CCDC73: variants seen among roughly 807,000 people sequenced by gnomAD.
CCDC73 encodes the protein coiled-coil domain-containing protein 73.
In CCDC73, 95 loss-of-function variants were observed where a neutral mutation model predicts 116.5. That is an observed-to-expected ratio of 0.82 (90% CI 0.69 to 0.97). The LOEUF (loss-of-function observed/expected upper bound fraction) is 0.97. Among genes scored for constraint, CCDC73 ranks in the 50% least tolerant of loss-of-function variants. The pLI is 0.00. For synonymous variants in CCDC73, 398 were observed against 401.3 expected, an observed-to-expected ratio of 0.99 and a Z score of 0.10; for missense variants, 1,066 against 1,206.8, an observed-to-expected ratio of 0.88 and a Z score of 1.73.
At chr11:32,604,197 A>G (rs1286751980) in intron 17 of CCDC73, 1 of 152,318 alleles carries the variant, frequency 6.6e-6, no homozygotes, top group African/African-American at 2.4e-5. Flanking sequence ...ATCACAGCTC[A>G]TTGCAGCCTT....
chr11:32,637,634 C>A (rs1289256149), intron 13 of CCDC73, among the ~76,000 whole-genome samples: 2 of 150,454 alleles, frequency 1.3e-5, no homozygotes, highest in Admixed American at 1.3e-4. Flanking sequence ...ACACACCCCT[C>A]TCCTCTCTCT....
chr11:32,655,442 G>A (rs1178938093), intron 9 of CCDC73, among the ~76,000 whole-genome samples: 7 of 152,186 alleles, frequency 4.6e-5, no homozygotes, highest in Admixed American at 3.3e-4. Context: ...GGTGCTATTT[G>A]AACTGAATCT....
At chr11:32,716,368 T>C (rs1220146506) in intron 3 of CCDC73, among the ~76,000 whole-genome samples, 1 of 152,226 alleles carries the variant, frequency 6.6e-6, no homozygotes, top group Non-Finnish European at 1.5e-5. Flanking sequence ...GATTCTGTTG[T>C]GTTCTACTAA....
chr11:32,698,853 T>G (rs920674507), intron 6 of CCDC73, among the ~76,000 whole-genome samples: 2 of 152,132 alleles, frequency 1.3e-5, no homozygotes, highest in African/African-American at 4.8e-5. Flanking sequence ...AGGGCAAAGG[T>G]AATGTTTTCT....
At chr11:32,692,214 A>G (rs1480589542) in intron 6 of CCDC73, among the ~76,000 whole-genome samples, 1 of 151,924 alleles carries the variant, frequency 6.6e-6, no homozygotes, top group East Asian at 1.9e-4. Flanking sequence ...TTTTTTTCAT[A>G]TGGATATCTA....
chr11:32,620,047 G>A (rs1855509912), intron 14 of CCDC73, among the ~76,000 whole-genome samples: 1 of 152,216 alleles, frequency 6.6e-6, no homozygotes, highest in Non-Finnish European at 1.5e-5. Flanking sequence ...GTAAAAGTCA[G>A]TGATTTACAA....
intron 2 of CCDC73, among the ~76,000 whole-genome samples, chr11:32,749,745 C>A (rs1388143864): frequency 1.3e-5 from 2 of 152,106 alleles, no homozygotes; most frequent in Non-Finnish European, 2.9e-5. Flanking sequence ...CACTAGGGGG[C>A]ACCACAAGCC....
intron 9 of CCDC73, among the ~76,000 whole-genome samples, chr11:32,663,544 T>C (rs1855950680): frequency 6.6e-6 from 1 of 152,250 alleles, no homozygotes; most frequent in Non-Finnish European, 1.5e-5. Flanking sequence ...CCTGAGACTT[T>C]GCTGAAGTTG....
At chr11:32,639,602 C>T (rs11604323) in intron 13 of CCDC73, among the ~76,000 whole-genome samples, 37,334 of 151,868 alleles carry the variant, frequency 0.25, 4,720 homozygotes, top group Middle Eastern at 0.28. Flanking sequence ...GTGCCCACCA[C>T]CACGCCCGGC....
At chr11:32,656,223 G>A (rs1312347482) in intron 9 of CCDC73, among the ~76,000 whole-genome samples, 4 of 151,904 alleles carry the variant, frequency 2.6e-5, no homozygotes, top group South Asian at 2.1e-4. Flanking sequence ...GACTACAGGC[G>A]CCCACCACCA....
rs1318325053 is a variant in CCDC73, at chr11:32,794,651, G to A, written c.-54C>T. 3 of 152,382 alleles carry A rather than the reference G, an allele frequency of 2.0e-5. No homozygotes were observed. The highest frequency in any genetic ancestry group is 2.9e-5 in the Non-Finnish European group (2 of 68,078). 9.4% of individuals were successfully genotyped at this position (152,382 alleles called of 1,614,324 possible). A position where few individuals can be genotyped will look rare whatever the true frequency, so the allele number is the denominator to read the frequency against. ...GCCTCTAGCTCCTGTTGGCCCTTCC[G>A]GTTCACCTTTTCCCGCCCTAGGGCA... On this transcript the variant is annotated 5_prime_UTR_variant, in exon 1 of 18. Coordinates refer to ENST00000335185, the MANE Select transcript of CCDC73 (RefSeq NM_001008391.4).
the CCDC73 span, among the ~76,000 whole-genome samples, chr11:32,822,109 AT>A: frequency 1.3e-5 from 2 of 152,292 alleles, no homozygotes; most frequent in Admixed American, 6.5e-5. Context: ...CACATACGTC[AT>A]TTTACTGCTA....
intron 2 of CCDC73, among the ~76,000 whole-genome samples, chr11:32,757,368 A>T (rs1850353405): frequency 1.3e-5 from 2 of 152,192 alleles, no homozygotes; most frequent in Non-Finnish European, 2.9e-5. Flanking sequence ...CCAGTTAATA[A>T]TATACATACT....
At chr11:32,713,948 A>G (rs1267753791) in intron 3 of CCDC73, among the ~76,000 whole-genome samples, 2 of 152,042 alleles carry the variant, frequency 1.3e-5, no homozygotes, top group African/African-American at 4.8e-5. Context: ...ACAGGTTCTG[A>G]GTATGTTCAT....
At chr11:32,746,955 T>G (rs1451287792) in intron 2 of CCDC73, among the ~76,000 whole-genome samples, 1 of 152,166 alleles carries the variant, frequency 6.6e-6, no homozygotes, top group Non-Finnish European at 1.5e-5. Context: ...CTCTGTCCAG[T>G]TTTTTTCCCT....
chr11:32,747,442 G>A (rs11500263), intron 2 of CCDC73, among the ~76,000 whole-genome samples: 1,840 of 152,218 alleles, frequency 0.012, 36 homozygotes, highest in African/African-American at 0.042. Context: ...CCATGCTGGC[G>A]GAACCAATGA....
chr11:32,773,828 T>C (rs1167594503), intron 1 of CCDC73, among the ~76,000 whole-genome samples: 1 of 151,824 alleles, frequency 6.6e-6, no homozygotes, highest in Non-Finnish European at 1.5e-5. Context: ...TATTGATTGA[T>C]AGGTTTCACT....
At chr11:32,704,090 G>T (rs1255579702) in intron 3 of CCDC73, among the ~76,000 whole-genome samples, 4 of 152,204 alleles carry the variant, frequency 2.6e-5, no homozygotes, top group African/African-American at 9.6e-5. Flanking sequence ...CAAAGTCAGT[G>T]GGGGCTGGGA....
At chr11:32,708,445 A>G (rs1171170036) in intron 3 of CCDC73, among the ~76,000 whole-genome samples, 1 of 152,146 alleles carries the variant, frequency 6.6e-6, no homozygotes, top group Non-Finnish European at 1.5e-5. Flanking sequence ...GTGAAGAATA[A>G]TGCTGGTATT....
Sources: allele counts gnomAD v4.1 joint callset (sites outside exome capture counted in the v4.1 genomes callset), GRCh38; gene constraint gnomAD v4.1.1; transcripts MANE v1.5; gene names NCBI Gene and HGNC (gene_info 2026-07-23, HGNC 2026-07-21).